Variants in KCTD8 observed in about 807,000 individuals in gnomAD.
KCTD8 encodes the protein BTB/POZ domain-containing protein KCTD8.
A neutral mutation model predicts 31.5 loss-of-function variants in KCTD8; 27 were observed. That is an observed-to-expected ratio of 0.86 (90% CI 0.63 to 1.18). The LOEUF (loss-of-function observed/expected upper bound fraction) is 1.18. KCTD8 is among the 50% of genes most tolerant of loss of function. KCTD8 has a pLI of 0.00. For synonymous variants in KCTD8, 290 were observed against 280.0 expected, an observed-to-expected ratio of 1.04 and a Z score of -0.36; for missense variants, 658 against 647.7, an observed-to-expected ratio of 1.02 and a Z score of -0.17.
chr4:44,335,087 A>T (rs1389920027), intron 1 of KCTD8, among the ~76,000 whole-genome samples: 7 of 152,170 alleles, frequency 4.6e-5, no homozygotes, highest in Admixed American at 2.6e-4. Flanking sequence ...TAAATGGTGT[A>T]GGTAGAAACC....
At chr4:44,228,148 C>T (rs757397751) in intron 1 of KCTD8, among the ~76,000 whole-genome samples, 1 of 152,142 alleles carries the variant, frequency 6.6e-6, no homozygotes, top group Non-Finnish European at 1.5e-5. Context: ...CAAAGCTCCA[C>T]AAACCAAGTT....
intron 1 of KCTD8, among the ~76,000 whole-genome samples, chr4:44,192,257 G>C (rs1713786104): frequency 6.6e-6 from 1 of 152,076 alleles, no homozygotes; most frequent in African/African-American, 2.4e-5. Context: ...GTATTTATGA[G>C]CAAATTATTA....
chr4:44,425,914 C>G (rs1243017736), intron 1 of KCTD8, among the ~76,000 whole-genome samples: 2 of 151,772 alleles, frequency 1.3e-5, no homozygotes, highest in Non-Finnish European at 2.9e-5. Context: ...GAGTCATTGT[C>G]TGTACCATAC....
chr4:44,287,045 G>A (rs1167514050), intron 1 of KCTD8, among the ~76,000 whole-genome samples: 2 of 152,098 alleles, frequency 1.3e-5, no homozygotes, highest in Non-Finnish European at 2.9e-5. Context: ...GCATTTTCAA[G>A]TATATAGCAG....
chr4:44,332,646 C>T (rs749867492), intron 1 of KCTD8, among the ~76,000 whole-genome samples: 5 of 151,784 alleles, frequency 3.3e-5, no homozygotes, highest in Admixed American at 6.6e-5. Flanking sequence ...ATACAGTAGG[C>T]AAGAAAAGTT....
chr4:44,447,579 G>A lies in KCTD8; in HGVS notation c.945C>T (p.Thr315=), dbSNP rs754595486. ...YRDDKIWSSY[T]EYIFFRPPQK... ...CGAACTTACGGAAGAAAATGTACTC[G>A]GTGTAGCTGCTCCAGATCTTGTCGT... The change falls in exon 1 of 2, where the codon ACC becomes ACT. Residue 315 remains threonine, a synonymous_variant. Transcript: ENST00000360029. The A allele has an allele frequency of 1.1e-5, 17 of 1,581,916 alleles. No individual in the cohort carries two copies. The highest frequency in any genetic ancestry group is 4.0e-5 in the African/African-American group (3 of 74,284).
At chr4:44,409,714 A>C (rs1720904438) in intron 1 of KCTD8, among the ~76,000 whole-genome samples, 1 of 151,850 alleles carries the variant, frequency 6.6e-6, no homozygotes, top group South Asian at 2.1e-4. Flanking sequence ...AAAAAGCATT[A>C]AAAAAAAGCT....
chr4:44,182,457 G>C (rs1713453276), intron 1 of KCTD8, among the ~76,000 whole-genome samples: 1 of 152,232 alleles, frequency 6.6e-6, no homozygotes, highest in African/African-American at 2.4e-5. Context: ...AAATTCTTCT[G>C]CCTTGGGATT....
At chr4:44,354,898 C>A (rs551447215) in intron 1 of KCTD8, among the ~76,000 whole-genome samples, 1 of 151,724 alleles carries the variant, frequency 6.6e-6, no homozygotes, top group Non-Finnish European at 1.5e-5. Context: ...ATCTGAAAGG[C>A]AAAAAGAGTG....
At chr4:44,312,425 G>A (rs957000153) in intron 1 of KCTD8, among the ~76,000 whole-genome samples, 11 of 152,074 alleles carry the variant, frequency 7.2e-5, no homozygotes, top group African/African-American at 2.7e-4. Context: ...GATTAATACT[G>A]ATGTTGGTCT....
chr4:44,289,679 C>T (rs1717211781), intron 1 of KCTD8, among the ~76,000 whole-genome samples: 1 of 152,130 alleles, frequency 6.6e-6, no homozygotes, highest in African/African-American at 2.4e-5. Context: ...GACATTTTAA[C>T]TGGTGGGGGT....
chr4:44,212,500 A>T (rs191397044), intron 1 of KCTD8, among the ~76,000 whole-genome samples: 5 of 152,282 alleles, frequency 3.3e-5, no homozygotes, highest in African/African-American at 1.2e-4. Context: ...GGTCCACTGT[A>T]TATGTGCATT....
At chr4:44,411,066 T>C (rs1720942100) in intron 1 of KCTD8, among the ~76,000 whole-genome samples, 1 of 152,122 alleles carries the variant, frequency 6.6e-6, no homozygotes, top group Non-Finnish European at 1.5e-5. Flanking sequence ...CCAAGAATAG[T>C]GCATAAAAAT....
intron 1 of KCTD8, among the ~76,000 whole-genome samples, chr4:44,394,322 A>G (rs1309660044): frequency 6.6e-6 from 1 of 152,072 alleles, no homozygotes; most frequent in Non-Finnish European, 1.5e-5. Flanking sequence ...TTCACAATTC[A>G]TAGGAGTGGG....
chr4:44,199,229 T>G (rs1166296338), intron 1 of KCTD8, among the ~76,000 whole-genome samples: 2 of 152,092 alleles, frequency 1.3e-5, no homozygotes, highest in East Asian at 3.8e-4. Context: ...CTGATAGCTT[T>G]AGACAAATCA....
At chr4:44,262,422 G>A (rs115608028) in intron 1 of KCTD8, among the ~76,000 whole-genome samples, 6 of 151,980 alleles carry the variant, frequency 3.9e-5, no homozygotes, top group African/African-American at 1.2e-4. Context: ...ATAACGACAT[G>A]AGCAAAATCT....
intron 1 of KCTD8, among the ~76,000 whole-genome samples, chr4:44,373,480 T>A (rs1719843134): frequency 6.6e-6 from 1 of 152,124 alleles, no homozygotes. Flanking sequence ...AACCTGTTTA[T>A]CCCACATTTC....
intron 1 of KCTD8, among the ~76,000 whole-genome samples, chr4:44,389,008 A>C (rs891475584): frequency 6.6e-6 from 1 of 151,874 alleles, no homozygotes; most frequent in Non-Finnish European, 1.5e-5. Flanking sequence ...ATGATAAGTG[A>C]AATAAGCCAG....
intron 1 of KCTD8, among the ~76,000 whole-genome samples, chr4:44,190,761 ATGAGAGC>A (rs769189993): frequency 6.6e-6 from 1 of 152,204 alleles, no homozygotes; most frequent in Non-Finnish European, 1.5e-5. Context: ...GTAGGGGAGA[ATGAGAGC>A]TGAAAGGGAA....
Sources: gnomAD v4.1 joint callset for allele counts (sites outside exome capture counted in the v4.1 genomes callset) on GRCh38, gnomAD v4.1.1 for gene constraint, MANE v1.5 for transcripts, NCBI Gene and HGNC (gene_info 2026-07-23, HGNC 2026-07-21) for gene names.